Variants in HECTD2 observed in about 807,000 individuals in gnomAD.
HECTD2 encodes the protein HECT domain E3 ubiquitin protein ligase 2.
In HECTD2, 35 loss-of-function variants were observed where a neutral mutation model predicts 103.2. The observed-to-expected ratio is 0.34, with a 90% CI of 0.26 to 0.45. The LOEUF (loss-of-function observed/expected upper bound fraction) is 0.45. HECTD2 is among the 20% of genes least tolerant of loss of function. HECTD2 has a pLI of 1.00. For synonymous variants in HECTD2, 281 were observed against 329.9 expected (o/e 0.85, Z 1.61); for missense variants, 596 against 937.4 (o/e 0.64, Z 4.76).
At chr10:91,460,605 C>T (rs779528097) in intron 3 of HECTD2, 40 bp downstream of exon 3, 21 of 1,546,184 alleles carry the variant, frequency 1.4e-5, no homozygotes, top group Non-Finnish European at 1.8e-5. Context: ...TAGTCATCTG[C>T]ATGTCAGCAC....
At chr10:91,504,395 T>C (rs983663518) in intron 20 of HECTD2, among the ~76,000 whole-genome samples, 38 of 150,602 alleles carry the variant, frequency 2.5e-4, no homozygotes, top group Admixed American at 2.3e-3. Context: ...TTTAGAAGAA[T>C]GTATAACTAG....
intron 1 of HECTD2, among the ~76,000 whole-genome samples, chr10:91,415,193 A>AGTGTGTGTGTGTGTGTGTGTGT (rs397846279): frequency 8.2e-4 from 116 of 141,730 alleles, no homozygotes; most frequent in African/African-American, 1.1e-3. Context: ...AATTAGAGAA[A>AGTGTGTGTGTGTGTGTGTGTGT]GTGTGTGTGT....
intron 2 of HECTD2, among the ~76,000 whole-genome samples, chr10:91,453,562 C>T (rs910887085): frequency 6.6e-6 from 1 of 152,012 alleles, no homozygotes; most frequent in Non-Finnish European, 1.5e-5. Context: ...TCTAGAGAAA[C>T]CTCTCAGAAA....
At chr10:91,414,228 G>T (rs1843033841) in intron 1 of HECTD2, among the ~76,000 whole-genome samples, 1 of 152,190 alleles carries the variant, frequency 6.6e-6, no homozygotes, top group Non-Finnish European at 1.5e-5. Context: ...ACTTAGGTCA[G>T]AGAGGTGAAG....
chr10:91,492,817 A>G (rs1209515472), intron 13 of HECTD2, among the ~76,000 whole-genome samples: 2 of 152,078 alleles, frequency 1.3e-5, no homozygotes, highest in Non-Finnish European at 2.9e-5. Context: ...ACACAAAACT[A>G]TAGTTTGCTC....
chr10:91,484,112 T>G, intron 8 of HECTD2: 1 of 474,536 alleles, frequency 2.1e-6, no homozygotes, highest in South Asian at 3.2e-5. Context: ...CACTTTGACC[T>G]CAGCTGGAAA....
intron 1 of HECTD2, among the ~76,000 whole-genome samples, chr10:91,418,527 A>G (rs955446478): frequency 2.6e-5 from 4 of 152,152 alleles, no homozygotes; most frequent in Non-Finnish European, 5.9e-5. Context: ...ACTTAAACCA[A>G]TTCCACTTGG....
At chr10:91,472,480 TC>T (rs1381152255) in intron 5 of HECTD2, among the ~76,000 whole-genome samples, 2 of 152,220 alleles carry the variant, frequency 1.3e-5, no homozygotes, top group African/African-American at 4.8e-5. Flanking sequence ...CTGAAGAGCT[TC>T]TGCATAGCAA....
chr10:91,425,253 A>G, intron 1 of HECTD2, 28 bp from the exon 2 acceptor site: 2 of 1,434,870 alleles, frequency 1.4e-6, no homozygotes, highest in East Asian at 2.5e-5. Context: ...TAGGAAGTAT[A>G]CTGCAATGTT....
At chr10:91,411,646 A>C (rs761991817) in intron 1 of HECTD2, among the ~76,000 whole-genome samples, 1 of 152,222 alleles carries the variant, frequency 6.6e-6, no homozygotes, top group Non-Finnish European at 1.5e-5. Flanking sequence ...AAAATGTCTG[A>C]GGGCCCTGAT....
chr10:91,460,437 A>G lies in HECTD2; in HGVS notation c.279A>G (p.Pro93=). 6.2e-7 allele frequency: 1 copy of G among 1,601,290 alleles called. No homozygotes were observed. Among genetic ancestry groups the G allele is most frequent in the Non-Finnish European group, 8.5e-7 (1 of 1,174,832 alleles). Reference sequence around the variant, plus strand: ...TTTTATACTTCACAGTGAGAGAACCACCACCAATTTGCCTTGATGTTAGAC... The same window carrying G: ...TTTTATACTTCACAGTGAGAGAACCGCCACCAATTTGCCTTGATGTTAGAC... ...VFPNIKNVRE[P]PPICLDVRQK... Residue 93 remains proline (P), a synonymous_variant, in exon 3 of 21, where the codon CCA becomes CCG. Transcript: ENST00000298068.
At chr10:91,459,428 C>T (rs535962106) in intron 2 of HECTD2, among the ~76,000 whole-genome samples, 3 of 152,104 alleles carry the variant, frequency 2.0e-5, no homozygotes, top group Non-Finnish European at 4.4e-5. Context: ...AAACAGATGT[C>T]CTTCAGTGGT....
chr10:91,445,463 A>G (rs529540428), intron 2 of HECTD2, among the ~76,000 whole-genome samples: 15 of 152,324 alleles, frequency 9.8e-5, no homozygotes, highest in Non-Finnish European at 2.1e-4. Flanking sequence ...GTAATGAAAA[A>G]GCAGTCTTAG....
chr10:91,502,031 T>C (rs186648085), intron 20 of HECTD2, among the ~76,000 whole-genome samples: 11 of 152,278 alleles, frequency 7.2e-5, no homozygotes, highest in Admixed American at 7.2e-4. Context: ...TGTTCTTTGC[T>C]TTTCCACTGC....
At chr10:91,505,454 A>G (rs1220897106) in intron 20 of HECTD2, among the ~76,000 whole-genome samples, 2 of 151,838 alleles carry the variant, frequency 1.3e-5, no homozygotes, top group African/African-American at 4.8e-5. Context: ...GAAAACAAAA[A>G]AAGGCAGGGG....
chr10:91,475,692 T>A (rs1194706523), intron 5 of HECTD2, among the ~76,000 whole-genome samples: 2 of 152,138 alleles, frequency 1.3e-5, no homozygotes, highest in African/African-American at 4.8e-5. Context: ...TTAAATAAAG[T>A]CAATACATCA....
At chr10:91,473,952 A>G (rs1227299851) in intron 5 of HECTD2, among the ~76,000 whole-genome samples, 1 of 152,154 alleles carries the variant, frequency 6.6e-6, no homozygotes, top group Non-Finnish European at 1.5e-5. Context: ...AACTGTATTT[A>G]TGTGTCACCC....
intron 1 of HECTD2, among the ~76,000 whole-genome samples, chr10:91,421,527 A>G (rs1843358719): frequency 6.6e-6 from 1 of 152,218 alleles, no homozygotes; most frequent in African/African-American, 2.4e-5. Flanking sequence ...AAAATTTATA[A>G]TGTTTTAAGA....
At chr10:91,458,571 G>A (rs1845211349) in intron 2 of HECTD2, among the ~76,000 whole-genome samples, 1 of 151,958 alleles carries the variant, frequency 6.6e-6, no homozygotes, top group South Asian at 2.1e-4. Flanking sequence ...TGGAGGAAGA[G>A]ATACAAGGAT....
Sources: allele counts gnomAD v4.1 joint callset (sites outside exome capture counted in the v4.1 genomes callset), GRCh38; gene constraint gnomAD v4.1.1; transcripts MANE v1.5; gene names NCBI Gene and HGNC (gene_info 2026-07-23, HGNC 2026-07-21).